The following COMMD1 variants were observed in gnomAD, a reference collection of about 807,000 sequenced individuals.
COMMD1 encodes the protein COMM domain-containing protein 1.
COMMD1 carries 10 observed loss-of-function variants against 17.2 expected under a neutral mutation model. The observed-to-expected ratio is 0.58, with a 90% confidence interval of 0.36 to 0.99. The LOEUF is 0.99. Among genes scored for constraint, COMMD1 ranks in the 50% least tolerant of loss-of-function variants. The pLI, the probability that COMMD1 is intolerant of heterozygous loss-of-function variation, is 0.01. For missense variants in COMMD1, 270 were observed against 231.8 expected, an observed-to-expected ratio of 1.17 and a Z score of -1.07; for synonymous variants, 97 against 91.6, an observed-to-expected ratio of 1.06 and a Z score of -0.34.
chr2:62,010,456 T>C (rs1669247361), intron 2 of COMMD1, among the ~76,000 whole-genome samples: 1 of 152,164 alleles, frequency 6.6e-6, no homozygotes, highest in African/African-American at 2.4e-5. Context: ...TTAAATACCA[T>C]CTATATGGTA....
chr2:61,935,642 A>T (rs1049786555), intron 1 of COMMD1, among the ~76,000 whole-genome samples: 1 of 151,928 alleles, frequency 6.6e-6, no homozygotes, highest in African/African-American at 2.4e-5. Context: ...AAAAAAAAAA[A>T]GGTAAAATTT....
chr2:62,039,416 C>G (rs1257510733), intron 2 of COMMD1, among the ~76,000 whole-genome samples: 1 of 152,182 alleles, frequency 6.6e-6, no homozygotes. Flanking sequence ...TCACTATGGC[C>G]TTTCTTTGAG....
At chr2:62,115,903 G>C (rs2167124) in intron 2 of COMMD1, among the ~76,000 whole-genome samples, 1 of 134,186 alleles carries the variant, frequency 7.5e-6, no homozygotes, top group Non-Finnish European at 1.5e-5. Flanking sequence ...CTGTCACCTA[G>C]ACAGGAGTGC....
chr2:61,940,919 A>T (rs2103635770), intron 1 of COMMD1, among the ~76,000 whole-genome samples: 1 of 151,872 alleles, frequency 6.6e-6, no homozygotes, highest in African/African-American at 2.4e-5. Context: ...CGATCTCCTG[A>T]CCTCGTGATC....
At chr2:61,943,795 A>G (rs2103644896) in intron 1 of COMMD1, among the ~76,000 whole-genome samples, 1 of 152,286 alleles carries the variant, frequency 6.6e-6, no homozygotes, top group African/African-American at 2.4e-5. Flanking sequence ...AGATCCCGCC[A>G]TTGCACTCCA....
chr2:61,997,895 G>A (rs1029032249), intron 1 of COMMD1, among the ~76,000 whole-genome samples: 6 of 152,150 alleles, frequency 3.9e-5, no homozygotes, highest in Non-Finnish European at 7.3e-5. Context: ...ATCTTTTTCC[G>A]ATATATGGCT....
At chr2:61,969,049 C>T (rs748142218) in intron 1 of COMMD1, 8 of 442,440 alleles carry the variant, frequency 1.8e-5, no homozygotes, top group Admixed American at 4.8e-5. Flanking sequence ...GCCTTGAACT[C>T]CTGGGCTCAA....
chr2:61,896,742 C>G (rs1407814187), intron 1 of COMMD1, among the ~76,000 whole-genome samples: 2 of 151,894 alleles, frequency 1.3e-5, no homozygotes, highest in Admixed American at 1.3e-4. Context: ...ATAAAGGGTA[C>G]TCTGACTTGA....
intron 1 of COMMD1, among the ~76,000 whole-genome samples, chr2:61,910,721 G>C (rs1451842991): frequency 6.6e-6 from 1 of 152,092 alleles, no homozygotes; most frequent in Non-Finnish European, 1.5e-5. Flanking sequence ...ATCACCTTTT[G>C]TATACCTTAG....
At chr2:62,130,990 A>C (rs1673014778) in intron 2 of COMMD1, among the ~76,000 whole-genome samples, 1 of 152,204 alleles carries the variant, frequency 6.6e-6, no homozygotes, top group Admixed American at 6.5e-5. Flanking sequence ...AGGAGTGTTG[A>C]GTGGTTACCA....
At chr2:61,906,453 T>A (rs1417470885) in intron 1 of COMMD1, among the ~76,000 whole-genome samples, 2 of 152,250 alleles carry the variant, frequency 1.3e-5, no homozygotes, top group Non-Finnish European at 2.9e-5. Flanking sequence ...TCACATGTAA[T>A]CAATATACAG....
chr2:61,924,395 G>C (rs370582849), intron 1 of COMMD1, among the ~76,000 whole-genome samples: 2 of 144,228 alleles, frequency 1.4e-5, no homozygotes, highest in Non-Finnish European at 1.5e-5. Context: ...TGGTTGGAGA[G>C]GGGGGAAGAG....
At chr2:61,893,703 A>G (rs140038891) in intron 1 of COMMD1, among the ~76,000 whole-genome samples, 2,335 of 151,992 alleles carry the variant, frequency 0.015, 60 homozygotes, top group African/African-American at 0.054. Context: ...AATCTCAGCT[A>G]CTCAGGAGGG....
At chr2:62,057,386 T>G (rs963733316) in intron 2 of COMMD1, among the ~76,000 whole-genome samples, 2 of 152,118 alleles carry the variant, frequency 1.3e-5, no homozygotes, top group African/African-American at 4.8e-5. Context: ...TACCTTGCAT[T>G]CCTGGGATAA....
intron 1 of COMMD1, among the ~76,000 whole-genome samples, chr2:61,896,253 GT>G (rs1476336811): frequency 6.6e-6 from 1 of 152,168 alleles, no homozygotes; most frequent in Admixed American, 6.5e-5. Context: ...GCCTCCTCCA[GT>G]TCCTTTGCCA....
intron 1 of COMMD1, among the ~76,000 whole-genome samples, chr2:61,998,584 G>A (rs940025467): frequency 1.3e-5 from 2 of 152,088 alleles, no homozygotes; most frequent in Non-Finnish European, 2.9e-5. Flanking sequence ...TGTCATTTGT[G>A]TGTGCACTGG....
At chr2:61,932,594 A>G (rs1670498608) in intron 1 of COMMD1, among the ~76,000 whole-genome samples, 1 of 152,126 alleles carries the variant, frequency 6.6e-6, no homozygotes, top group Non-Finnish European at 1.5e-5. Flanking sequence ...TAATCCCCAG[A>G]TTTATGTGTT....
intron 2 of COMMD1, among the ~76,000 whole-genome samples, chr2:62,010,978 T>G (rs1476190764): frequency 6.6e-6 from 1 of 152,228 alleles, no homozygotes; most frequent in Non-Finnish European, 1.5e-5. Context: ...TCTCCCTTAC[T>G]TCGTCTACTC....
chr2:62,123,881 A>T (rs1558609342), intron 2 of COMMD1, among the ~76,000 whole-genome samples: 1 of 152,016 alleles, frequency 6.6e-6, no homozygotes, highest in East Asian at 1.9e-4. Flanking sequence ...TGTTTAAAAC[A>T]TAACCTAGGC....
Sources: allele counts gnomAD v4.1 joint callset (sites outside exome capture counted in the v4.1 genomes callset), GRCh38; gene constraint gnomAD v4.1.1; transcripts MANE v1.5; gene names NCBI Gene and HGNC (gene_info 2026-07-23, HGNC 2026-07-21).